Variants in COBL observed in about 807,000 individuals in gnomAD.
COBL encodes the protein cordon-bleu WH2 repeat protein.
A neutral mutation model predicts 98.8 loss-of-function variants in COBL; 51 were observed. The observed-to-expected ratio is 0.52, with a 90% CI of 0.41 to 0.65. The LOEUF is 0.65. COBL is among the 30% of genes least tolerant of loss of function. The pLI, the probability that COBL is intolerant of heterozygous loss-of-function variation, is 0.00. For missense variants in COBL, 1,617 were observed against 1,617.5 expected, an observed-to-expected ratio of 1.00 and a Z score of 0.01; for synonymous variants, 634 against 651.7, an observed-to-expected ratio of 0.97 and a Z score of 0.41.
At chr7:51,252,219 A>G (rs1382719108) in intron 1 of COBL, among the ~76,000 whole-genome samples, 1 of 152,134 alleles carries the variant, frequency 6.6e-6, no homozygotes, top group East Asian at 1.9e-4. Flanking sequence ...TAATTCACAC[A>G]CCATATAATT....
intron 1 of COBL, among the ~76,000 whole-genome samples, chr7:51,242,031 C>G (rs529195976): frequency 6.6e-6 from 1 of 152,218 alleles, no homozygotes; most frequent in Non-Finnish European, 1.5e-5. Flanking sequence ...ACTGAAAGCA[C>G]CTCTGACTGG....
At chr7:51,098,961 G>A (rs935474898) in intron 6 of COBL, among the ~76,000 whole-genome samples, 3 of 151,968 alleles carry the variant, frequency 2.0e-5, no homozygotes, top group East Asian at 1.9e-4. Context: ...TTGAAGAGAC[G>A]TTTCTCCAAG....
chr7:51,046,388 G>A (rs936112587), intron 7 of COBL, among the ~76,000 whole-genome samples: 1 of 152,170 alleles, frequency 6.6e-6, no homozygotes, highest in Non-Finnish European at 1.5e-5. Flanking sequence ...GAAGAGAAGG[G>A]CAGATATTCC....
At chr7:51,239,109 C>G (rs1056036544) in intron 1 of COBL, among the ~76,000 whole-genome samples, 4 of 152,166 alleles carry the variant, frequency 2.6e-5, no homozygotes, top group African/African-American at 9.7e-5. Context: ...TATTAAAATC[C>G]ATTCTGTCTG....
At chr7:51,017,700 G>T in intron 12 of COBL, 132 bp from the exon 13 acceptor site, 1 of 926,262 alleles carries the variant, frequency 1.1e-6, no homozygotes, top group Non-Finnish European at 1.7e-6. Context: ...CAGTTCCTTT[G>T]ACCTGCAGAA....
chr7:51,285,724 T>C (rs575743209), intron 1 of COBL, among the ~76,000 whole-genome samples: 3 of 152,208 alleles, frequency 2.0e-5, no homozygotes, highest in Non-Finnish European at 2.9e-5. Flanking sequence ...GCTGTTTTTG[T>C]AGACATAGAC....
chr7:51,244,480 A>G (rs141333579), intron 1 of COBL, among the ~76,000 whole-genome samples: 167 of 138,470 alleles, frequency 1.2e-3, no homozygotes, highest in African/African-American at 4.2e-3. Context: ...GGAACTCTAT[A>G]TTCTGGCCAC....
At chr7:51,274,368 A>C (rs779149284) in intron 1 of COBL, among the ~76,000 whole-genome samples, 3 of 152,182 alleles carry the variant, frequency 2.0e-5, no homozygotes, top group Non-Finnish European at 2.9e-5. Flanking sequence ...CCTCCTGGGC[A>C]TGGTCCTGAG....
Position 51,316,626 on chromosome 7 carries a change from G to T in COBL, c.8C>A (p.Ala3Glu). 7.5e-6 allele frequency: 9 copies of T among 1,201,296 alleles called. No individual in the cohort carries two copies. Among genetic ancestry groups the T allele is most frequent in the Non-Finnish European group, 9.3e-6 (9 of 968,310 alleles). The allele number at this position is 1,201,296 out of a possible 1,614,324, so 74.4% of individuals were successfully genotyped here. Residue 3 changes from alanine to glutamate, a missense_variant, in exon 1 of 13, where the codon GCG becomes GAG. Physicochemically the swap from Ala to Glu is moderately radical, Grantham distance 107. Transcript: ENST00000265136. MD[A>E]PRASAAKPPT... Reference sequence around the variant, plus strand: ...GGGCTTGGCCGCCGAGGCGCGCGGCGCGTCCATGGTGCCGGGGGCCGGGAC... The same window carrying T: ...GGGCTTGGCCGCCGAGGCGCGCGGCTCGTCCATGGTGCCGGGGGCCGGGAC...
intron 1 of COBL, among the ~76,000 whole-genome samples, chr7:51,283,131 C>T (rs541375927): frequency 5.9e-5 from 9 of 151,878 alleles, no homozygotes; most frequent in African/African-American, 1.7e-4. Context: ...AAAAGTAGAG[C>T]AAAACAAACC....
chr7:51,134,370 C>T (rs1021731519), intron 6 of COBL, among the ~76,000 whole-genome samples: 9 of 152,208 alleles, frequency 5.9e-5, no homozygotes, highest in African/African-American at 1.9e-4. Context: ...TCAGAGGAAA[C>T]TCTGTTCATT....
intron 6 of COBL, among the ~76,000 whole-genome samples, chr7:51,113,134 C>G (rs1311121243): frequency 1.3e-5 from 2 of 152,120 alleles, no homozygotes. Flanking sequence ...AGACTTCCAC[C>G]CAGGATGACA....
At chr7:51,134,264 C>G (rs1215861483) in intron 6 of COBL, among the ~76,000 whole-genome samples, 5 of 152,198 alleles carry the variant, frequency 3.3e-5, no homozygotes, top group Non-Finnish European at 7.3e-5. Flanking sequence ...CCATATGCCA[C>G]TCATATGCTT....
At chr7:51,177,568 G>A (rs1488915094) in intron 5 of COBL, among the ~76,000 whole-genome samples, 1 of 152,008 alleles carries the variant, frequency 6.6e-6, no homozygotes, top group South Asian at 2.1e-4. Context: ...GAGGTCAGGA[G>A]TTCGAGACCA....
intron 7 of COBL, 110 bp from the exon 8 acceptor site, chr7:51,043,802 G>T: frequency 1.2e-6 from 1 of 853,622 alleles, no homozygotes; most frequent in Non-Finnish European, 1.8e-6. Context: ...GGGATTCAGG[G>T]TGCTCAAAGT....
chr7:51,196,978 C>G (rs1396916921), intron 2 of COBL, among the ~76,000 whole-genome samples: 1 of 151,684 alleles, frequency 6.6e-6, no homozygotes, highest in African/African-American at 2.4e-5. Flanking sequence ...AAAAACAGCT[C>G]CAGGATTCAC....
At chr7:51,260,017 C>A in intron 1 of COBL, 2 of 771,402 alleles carry the variant, frequency 2.6e-6, no homozygotes, top group South Asian at 2.9e-5. Flanking sequence ...TGATTCCAGT[C>A]GTTTAACTTG....
intron 12 of COBL, among the ~76,000 whole-genome samples, chr7:51,019,567 T>A (rs1786716408): frequency 6.6e-6 from 1 of 151,704 alleles, no homozygotes; most frequent in South Asian, 2.1e-4. Flanking sequence ...TCTGGAGGAG[T>A]GGAGAACAGC....
At chr7:51,191,147 A>G in intron 3 of COBL, 69 bp from the exon 4 acceptor site, 2 of 1,375,762 alleles carry the variant, frequency 1.5e-6, no homozygotes, top group South Asian at 2.5e-5. Context: ...TCTTGTGTCA[A>G]TTTGACAATT....
Sources: allele counts gnomAD v4.1 joint callset (sites outside exome capture counted in the v4.1 genomes callset), GRCh38; gene constraint gnomAD v4.1.1; transcripts MANE v1.5; gene names NCBI Gene and HGNC (gene_info 2026-07-23, HGNC 2026-07-21).